The following ZNF335 variants were observed in gnomAD, a reference collection of about 807,000 sequenced individuals.
The protein encoded by ZNF335 is NRC-interacting factor 1.
A neutral mutation model predicts 145.6 loss-of-function variants in ZNF335; 84 were observed. That is an observed-to-expected ratio of 0.58 (90% CI 0.48 to 0.69). The LOEUF is 0.69. Ranked by LOEUF, ZNF335 falls within the 30% of genes least tolerant of loss-of-function variation. The pLI is 0.00. For synonymous variants in ZNF335, 761 were observed against 717.0 expected (o/e 1.06, Z -0.98); for missense variants, 1,865 against 1,809.7 (o/e 1.03, Z -0.55).
In ZNF335 at chr20:45,960,205, G is replaced by A. The variant is rs2083812160; in HGVS notation, c.2020+3C>T. 1.9e-6 allele frequency: 3 copies of A among 1,613,798 alleles called. No homozygotes were observed. Among genetic ancestry groups the A allele is most frequent in the South Asian group, 2.2e-5 (2 of 91,004 alleles). On this transcript the variant is annotated splice_donor_region_variant and intron_variant, in intron 14 of 27. Transcript: ENST00000322927. ...AGTGGGGCTGGGGTGTGTCCAGCCT[G>A]ACCTGTGTGCTTGACAGCCACATGG...
chr20:45,969,871 A>C, intron 2 of ZNF335, 180 bp from the exon 3 acceptor site: 1 of 732,636 alleles, frequency 1.4e-6, no homozygotes, highest in South Asian at 2.5e-5. Flanking sequence ...AGAGTCCCCC[A>C]GGAAAAAGTC....
rs2083612221 is a variant in ZNF335 at position 45,950,548 on chromosome 20, C to G, written c.3237G>C (p.Gln1079His). The change falls in exon 21 of 28, where the codon CAG (glutamine) becomes CAC (histidine). Residue 1079 changes from glutamine (Q) to histidine (H), a missense_variant. Coordinates refer to ENST00000322927, the MANE Select transcript of ZNF335 (RefSeq NM_022095.4). ...HSSLRPHQCS[Q>H]CSFASKNKKD... ...TCTTGTTCTTGGAGGCAAAGCTGCA[C>G]TGGCTACACTGGTGGGGCCGTAGGC... is the stretch of plus-strand genomic sequence containing the variant. 6.2e-7 allele frequency: 1 copy of G among 1,614,190 alleles called. No homozygotes were observed. Among genetic ancestry groups the G allele is most frequent in the African/African-American group, 1.3e-5 (1 of 75,060 alleles).
At position 45,967,359 on chromosome 20, in the gene ZNF335, C is replaced by T. The variant is rs1049243877; in HGVS notation, c.955+135G>A. On this transcript the variant is annotated intron_variant, in intron 6 of 27. Transcript: ENST00000322927. ...AGAAGTCCTGGTCCCAGAGCACAAC[C>T]TCCTCTGTCTTATACTGGAGGGACC... is the stretch of plus-strand genomic sequence containing the variant. 6.2e-5 allele frequency: 86 copies of T among 1,384,028 alleles called. No homozygotes were observed. The African/African-American group carries it at 1.1e-3, about 18-fold the overall frequency. The allele number at this position is 1,384,028 out of a possible 1,614,324, so 85.7% of individuals were successfully genotyped here.
In ZNF335 at chr20:45,952,340, G is replaced by A. The variant is rs1405238049; in HGVS notation, c.2996C>T (p.Ala999Val). ...TGACGGGGGCACTGCCAGGCCCAGG[G>A]CTTTGCTGGTTGCAGGAGGTGAGGA... ...SASSPPATSK[A>V]LGLAVPPSPP... The change falls in exon 20 of 28, where the codon GCC becomes GTC. Residue 999 changes from alanine (A) to valine (V), a missense_variant. Ala to Val is a moderately conservative substitution (Grantham distance 64). Transcript: ENST00000322927. 5 of 1,613,228 alleles carry A rather than the reference G, an allele frequency of 3.1e-6. No individual in the cohort carries two copies. The highest frequency in any genetic ancestry group is 3.4e-6 in the Non-Finnish European group (4 of 1,179,810).
intron 15 of ZNF335, among the ~76,000 whole-genome samples, chr20:45,958,723 A>G (rs1479221301): frequency 6.6e-6 from 1 of 152,216 alleles, no homozygotes; most frequent in Non-Finnish European, 1.5e-5. Context: ...GGTGAAGTTC[A>G]TGAGGAATGA....
intron 20 of ZNF335, among the ~76,000 whole-genome samples, chr20:45,951,076 G>C (rs2145356620): frequency 6.6e-6 from 1 of 152,338 alleles, no homozygotes; most frequent in East Asian, 1.9e-4. Flanking sequence ...ATTTTTAGTA[G>C]AGATGGGTTT....
intron 7 of ZNF335, chr20:45,964,352 C>T (rs77779606): frequency 1.3e-3 from 254 of 201,002 alleles, no homozygotes; most frequent in African/African-American, 5.3e-3. Context: ...CAAGGGAGGC[C>T]AGAATGGCGG....
chr20:45,964,962 C>T (rs1302537823), intron 7 of ZNF335, among the ~76,000 whole-genome samples: 1 of 151,530 alleles, frequency 6.6e-6, no homozygotes, highest in Non-Finnish European at 1.5e-5. Flanking sequence ...ACCTGGGAGA[C>T]AGGGGTTGCA....
chr20:45,958,016 T>A, intron 15 of ZNF335, 88 bp from the exon 16 acceptor site: 5 of 1,047,082 alleles, frequency 4.8e-6, no homozygotes, highest in African/African-American at 1.6e-5. Context: ...GCCAGATGTT[T>A]TACATCTGTT....
chr20:45,954,945 G>A (rs565154768), intron 17 of ZNF335, among the ~76,000 whole-genome samples: 2 of 151,942 alleles, frequency 1.3e-5, no homozygotes, highest in Non-Finnish European at 2.9e-5. Flanking sequence ...TTTTTTAAGA[G>A]ACAGGGTTTC....
intron 9 of ZNF335, among the ~76,000 whole-genome samples, chr20:45,963,074 A>G (rs1329197358): frequency 2.6e-5 from 4 of 152,126 alleles, no homozygotes; most frequent in Admixed American, 6.5e-5. Flanking sequence ...CAGCCTCGCA[A>G]AGTGCTGGGA....
intron 6 of ZNF335, among the ~76,000 whole-genome samples, chr20:45,966,254 T>C (rs1471084875): frequency 1.3e-5 from 2 of 151,666 alleles, no homozygotes; most frequent in Admixed American, 1.3e-4. Flanking sequence ...TTTTTTTTGG[T>C]ATTTTAGTAG....
chr20:45,956,910 T>C (rs759412391), intron 17 of ZNF335, among the ~76,000 whole-genome samples: 17 of 152,152 alleles, frequency 1.1e-4, no homozygotes, highest in Non-Finnish European at 2.4e-4. Context: ...ACTGATAAAT[T>C]TTCCTATCTA....
At chr20:45,965,253 T>C (rs1222569882) in intron 7 of ZNF335, among the ~76,000 whole-genome samples, 1 of 151,996 alleles carries the variant, frequency 6.6e-6, no homozygotes, top group Non-Finnish European at 1.5e-5. Context: ...CTGGGTCCTT[T>C]CTGTCCCCAG....
At chr20:45,962,472 G>A (rs1040559294) in intron 9 of ZNF335, among the ~76,000 whole-genome samples, 2 of 152,356 alleles carry the variant, frequency 1.3e-5, no homozygotes, top group Non-Finnish European at 2.9e-5. Context: ...TGGAGCTGAA[G>A]CCAGGCAGCA....
rs373820220 is a variant in ZNF335, at chr20:45,968,273, C to G, written c.520+12G>C. ...CTGCAGGCCTCCCCGATTCTGGCAC[C>G]TGGGGTCTTACCATCATCTGGGCCC... On this transcript the variant is annotated intron_variant, in intron 4 of 27. Transcript: ENST00000322927. The G allele has an allele frequency of 3.0e-5, 49 of 1,611,642 alleles. No homozygotes were observed. The highest frequency in any genetic ancestry group is 4.1e-5 in the Non-Finnish European group (48 of 1,178,148).
Position 45,953,729 on chromosome 20 carries a change from G to A in ZNF335, c.2662C>T (p.Pro888Ser). Reference sequence around the variant, plus strand: ...GGAGCTGATGTTCCCTCCTCCATAGGGGGTGCTGTGATGACACTGTAGCCA... The same window carrying A: ...GGAGCTGATGTTCCCTCCTCCATAGAGGGTGCTGTGATGACACTGTAGCCA... ...GTGYSVITAP[P>S]MEEGTSAPGT... The change falls in exon 18 of 28, where the codon CCT becomes TCT. Residue 888 changes from proline (P) to serine (S), a missense_variant. Coordinates refer to ENST00000322927, the MANE Select transcript of ZNF335 (RefSeq NM_022095.4). 1.9e-6 allele frequency: 3 copies of A among 1,614,100 alleles called. No homozygotes were observed. Among genetic ancestry groups the A allele is most frequent in the South Asian group, 1.1e-5 (1 of 91,088 alleles).
chr20:45,962,251 C>A, intron 9 of ZNF335, 69 bp from the exon 10 acceptor site: 1 of 1,252,792 alleles, frequency 8.0e-7, no homozygotes, highest in Non-Finnish European at 1.2e-6. Flanking sequence ...CCCACCATGC[C>A]TGTGGCCACA....
intron 9 of ZNF335, among the ~76,000 whole-genome samples, chr20:45,962,696 G>A (rs975776001): frequency 1.3e-5 from 2 of 151,994 alleles, no homozygotes; most frequent in African/African-American, 4.8e-5. Flanking sequence ...GGACACCTAC[G>A]ACCTCATTGG....
Sources: allele counts gnomAD v4.1 joint callset (sites outside exome capture counted in the v4.1 genomes callset), GRCh38; gene constraint gnomAD v4.1.1; transcripts MANE v1.5; gene names NCBI Gene and HGNC (gene_info 2026-07-23, HGNC 2026-07-21).